DAGLA: variants seen among roughly 807,000 people sequenced by gnomAD.
The protein encoded by DAGLA is diacylglycerol lipase alpha.
Under a neutral mutation model 102.6 loss-of-function variants are expected in DAGLA, and 22 were observed. The observed-to-expected ratio is 0.21, with a 90% CI of 0.15 to 0.31. The LOEUF (loss-of-function observed/expected upper bound fraction) is 0.31, where lower values mean the gene tolerates loss of function less well. Among genes scored for constraint, DAGLA ranks in the 10% least tolerant of loss-of-function variants. The pLI, the probability that DAGLA is intolerant of heterozygous loss-of-function variation, is 1.00. For missense variants in DAGLA, 927 were observed against 1,446.6 expected, an observed-to-expected ratio of 0.64 and a Z score of 5.83; for synonymous variants, 578 against 628.9, an observed-to-expected ratio of 0.92 and a Z score of 1.21.
chr11:61,740,391 C>G (rs1311089301), intron 17 of DAGLA, 72 bp from the exon 18 acceptor site: 3 of 1,564,326 alleles, frequency 1.9e-6, no homozygotes, highest in East Asian at 2.3e-5. Flanking sequence ...GAGAACAGAG[C>G]CAGGAGGCCC....
At chr11:61,698,732 C>A (rs1314328398) in intron 1 of DAGLA, among the ~76,000 whole-genome samples, 1 of 152,202 alleles carries the variant, frequency 6.6e-6, no homozygotes, top group Admixed American at 6.5e-5. Flanking sequence ...AGGCACCAGG[C>A]GTGGTGCTGG....
intron 5 of DAGLA, 113 bp downstream of exon 5, chr11:61,723,685 G>A (rs1052066130): frequency 1.8e-5 from 25 of 1,369,924 alleles, no homozygotes; most frequent in East Asian, 1.2e-4. Flanking sequence ...TGCCAACCTC[G>A]TGTGAGCCGT....
At chr11:61,731,811 G>A (rs557141972) in intron 9 of DAGLA, among the ~76,000 whole-genome samples, 3 of 152,058 alleles carry the variant, frequency 2.0e-5, no homozygotes, top group South Asian at 2.1e-4. Context: ...CCCTTCTGGC[G>A]TTCTCTCTCT....
In DAGLA at chr11:61,743,987, A is replaced by G. The variant is rs772926948; in HGVS notation, c.2627A>G (p.Asn876Ser). The change falls in exon 20 of 20, where the codon AAT becomes AGT. Residue 876 changes from asparagine to serine, a missense_variant. Transcript: ENST00000257215. Reference protein sequence around the residue: ...TPERPPSAAANDEEEEVGGGG... With the variant: ...TPERPPSAAASDEEEEVGGGG... The stretch of plus-strand genomic sequence containing the variant: ...GAGCGGCCCCCCAGTGCTGCGGCCA[A>G]TGACGAGGAGGAAGAGGTTGGCGGT... 3.1e-6 allele frequency: 5 copies of G among 1,611,892 alleles called. No homozygotes were observed. The highest frequency in any genetic ancestry group is 2.2e-5 in the East Asian group (1 of 44,880).
chr11:61,686,074 G>A lies in DAGLA; in HGVS notation c.-45+5570G>A, dbSNP rs2064983876. On this transcript the variant is annotated intron_variant, in intron 1 of 19. Coordinates refer to ENST00000257215, the MANE Select transcript of DAGLA (RefSeq NM_006133.3). The surrounding 1 kb of genome is among the most constrained non-coding windows in gnomAD (Gnocchi z 5.2). ...AGTGGTATGGCAGCAGGGTACTGAGGGACAAGAGTAGGGGGTGCCCAGGTA... is the reference window on the plus strand; with the variant it reads ...AGTGGTATGGCAGCAGGGTACTGAGAGACAAGAGTAGGGGGTGCCCAGGTA... Among the ~76,000 whole-genome samples, 1 of 152,156 alleles carries A rather than the reference G, an allele frequency of 6.6e-6. No homozygotes were observed. The highest frequency in any genetic ancestry group is 1.5e-5 in the Non-Finnish European group (1 of 68,026).
At chr11:61,689,263 TC>T (rs2065007152) in intron 1 of DAGLA, among the ~76,000 whole-genome samples, 1 of 152,236 alleles carries the variant, frequency 6.6e-6, no homozygotes, top group African/African-American at 2.4e-5. Flanking sequence ...CCTGGCCTTT[TC>T]AGCCTCATCT....
chr11:61,719,430 G>A (rs2065264377), intron 1 of DAGLA, among the ~76,000 whole-genome samples: 1 of 152,222 alleles, frequency 6.6e-6, no homozygotes, highest in Non-Finnish European at 1.5e-5. Flanking sequence ...CCTCCCTGGA[G>A]GCATAGCTGT....
At chr11:61,706,501 G>A (rs1200169273) in intron 1 of DAGLA, among the ~76,000 whole-genome samples, 3 of 152,110 alleles carry the variant, frequency 2.0e-5, no homozygotes, top group African/African-American at 4.8e-5. Flanking sequence ...GGCCCTGCTC[G>A]TGGTTGGGGG....
chr11:61,722,760 C>G (rs2065294806), intron 3 of DAGLA, 99 bp from the exon 4 acceptor site: 4 of 1,020,470 alleles, frequency 3.9e-6, no homozygotes, highest in Non-Finnish European at 6.1e-6. Context: ...ACTGAGCTGG[C>G]TGAAAGCCCA....
At chr11:61,718,292 C>T (rs2065253335) in intron 1 of DAGLA, among the ~76,000 whole-genome samples, 1 of 152,104 alleles carries the variant, frequency 6.6e-6, no homozygotes, top group Non-Finnish European at 1.5e-5. Context: ...CGTACTGCCC[C>T]CCCAGCCTCT....
intron 1 of DAGLA, among the ~76,000 whole-genome samples, chr11:61,682,943 C>G (rs1189237032): frequency 6.6e-6 from 1 of 152,148 alleles, no homozygotes; most frequent in African/African-American, 2.4e-5. Flanking sequence ...TGTGGCACCT[C>G]TCCCAATGTG....
chr11:61,734,078 G>A lies in DAGLA; in HGVS notation c.975-771G>A, dbSNP rs1349693619. On this transcript the variant is annotated intron_variant, in intron 9 of 19. Coordinates refer to ENST00000257215, the MANE Select transcript of DAGLA (RefSeq NM_006133.3). The surrounding 1 kb of genome is among the most constrained non-coding windows in gnomAD (Gnocchi z 4.2). ...TGATGTGGCTCAACTTATCTTAAAA[G>A]GGCCACTCTGTTGCTGAGCTGAGAG... Among the ~76,000 whole-genome samples the A allele has an allele frequency of 1.3e-5, 2 of 152,112 alleles. No homozygotes were observed. Among genetic ancestry groups the A allele is most frequent in the Non-Finnish European group, 2.9e-5 (2 of 68,026 alleles).
At chr11:61,703,091 A>G (rs1041864064) in intron 1 of DAGLA, among the ~76,000 whole-genome samples, 6 of 152,242 alleles carry the variant, frequency 3.9e-5, no homozygotes, top group East Asian at 1.9e-4. Context: ...TGTGGCTCCT[A>G]CGTTCTCCTG....
In DAGLA at chr11:61,735,624, C is replaced by A; in HGVS notation, c.1192C>A (p.Arg398=). The A allele has an allele frequency of 6.2e-7, 1 of 1,614,026 alleles. No homozygotes were observed. The highest frequency in any genetic ancestry group is 8.5e-7 in the Non-Finnish European group (1 of 1,179,932). ...CAAGAAGAAAGTGGTGATCAGTATC[C>A]GGGGGACCCTGTCCCCCAAGGTACG... ...HDKKKVVISI[R]GTLSPKDALT... Residue 398 remains arginine, a synonymous_variant, in exon 11 of 20, where the codon CGG becomes AGG. Transcript: ENST00000257215.
At chr11:61,708,219 G>A (rs1013505476) in intron 1 of DAGLA, among the ~76,000 whole-genome samples, 1 of 152,144 alleles carries the variant, frequency 6.6e-6, no homozygotes, top group African/African-American at 2.4e-5. Context: ...TGTTGGCCAG[G>A]CTGGTCTCGA....
chr11:61,736,317 G>A lies in DAGLA; in HGVS notation c.1338G>A (p.Glu446=), dbSNP rs879047469. Residue 446 remains glutamate, a synonymous_variant, in exon 13 of 20, where the codon GAG becomes GAA. Coordinates refer to ENST00000257215, the MANE Select transcript of DAGLA (RefSeq NM_006133.3). ...AEYIKKKLEQ[E]MVLSQAFGRD... The stretch of plus-strand genomic sequence containing the variant: ...ACATCAAGAAGAAACTGGAGCAGGA[G>A]ATGGTCCTGTCCCAGGCCTTTGGGC... 4 of 1,614,194 alleles carry A rather than the reference G, an allele frequency of 2.5e-6. No homozygotes were observed. Among genetic ancestry groups the A allele is most frequent in the Middle Eastern group, 1.6e-4 (1 of 6,062 alleles).
At chr11:61,685,182 A>G (rs2064977607) in intron 1 of DAGLA, among the ~76,000 whole-genome samples, 1 of 152,114 alleles carries the variant, frequency 6.6e-6, no homozygotes, top group South Asian at 2.1e-4. Context: ...GGATGCTGGC[A>G]CACCTCAGTT....
intron 12 of DAGLA, among the ~76,000 whole-genome samples, 169 bp from the exon 13 acceptor site, chr11:61,736,101 G>A (rs1452133131): frequency 6.6e-6 from 1 of 152,172 alleles, no homozygotes; most frequent in Non-Finnish European, 1.5e-5. Flanking sequence ...TCCCACCTGT[G>A]AAATGGAAGT....
chr11:61,705,027 A>G (rs887505188), intron 1 of DAGLA, among the ~76,000 whole-genome samples: 7 of 152,092 alleles, frequency 4.6e-5, no homozygotes, highest in African/African-American at 1.7e-4. Context: ...GACTGGGCTG[A>G]GCTGAGACTG....
Sources: allele counts gnomAD v4.1 joint callset (sites outside exome capture counted in the v4.1 genomes callset), GRCh38; gene constraint gnomAD v4.1.1; non-coding constraint Gnocchi (gnomAD v3.1); transcripts MANE v1.5; gene names NCBI Gene and HGNC (gene_info 2026-07-23, HGNC 2026-07-21).